FUT4: variants seen among roughly 807,000 people sequenced by gnomAD.
The protein encoded by FUT4 is alpha-(1,3)-fucosyltransferase 4.
In FUT4, 1 loss-of-function variant was observed where a neutral mutation model predicts 3.8. The ratio of observed to expected loss-of-function variants is 0.26; its 90% CI spans 0.09 to 1.25. The LOEUF is 1.25. Among genes scored for constraint, FUT4 ranks in the 50% most tolerant of loss-of-function variants. FUT4 has a pLI of 0.47. For missense variants in FUT4, 880 were observed against 768.2 expected, an observed-to-expected ratio of 1.15 and a Z score of -1.72; for synonymous variants, 417 against 355.3, an observed-to-expected ratio of 1.17 and a Z score of -1.95.
rs1231979080 is a variant in FUT4, at chr11:94,544,616, G to A, written c.483G>A (p.Leu161=). ...TCTGTGTGCTGGCGGCCGCCGGCTT[G>A]ACGTGTACGGCGCTGATCACCTACG... The part of the protein sequence containing the change: ...WTVCVLAAAG[L]TCTALITYAC... The change falls in exon 1 of 1, where the codon TTG becomes TTA. Residue 161 remains leucine (L), a synonymous_variant. Transcript: ENST00000358752. The A allele has an allele frequency of 1.4e-6, 2 of 1,479,888 alleles. No homozygotes were observed. The highest frequency in any genetic ancestry group is 2.8e-5 in the South Asian group (2 of 70,244). The allele number at this position is 1,479,888 out of a possible 1,614,324, so 91.7% of individuals were successfully genotyped here. A position where few individuals can be genotyped will look rare whatever the true frequency, so the allele number is the denominator to read the frequency against.
chr11:94,549,583 TGCAGGA>T lies in FUT4; in HGVS notation c.*3862_*3867del, dbSNP rs781766902. ...TCCTTACAGTCTGGAACTGACAATATGCAGGAGCAGTAAACTGGCAGAAAACCAGGA... is the reference window on the plus strand; with the variant it reads ...TCCTTACAGTCTGGAACTGACAATATGCAGTAAACTGGCAGAAAACCAGGA... On this transcript the variant is annotated 3_prime_UTR_variant, in exon 1 of 1. Transcript: ENST00000358752. 1.2e-5 allele frequency: 2 copies of T among 167,010 alleles called. No homozygotes were observed. Among genetic ancestry groups the T allele is most frequent in the Non-Finnish European group, 2.9e-5 (2 of 68,114 alleles). 10.3% of individuals were successfully genotyped at this position (167,010 alleles called of 1,614,324 possible). A position where few individuals can be genotyped will look rare whatever the true frequency, so the allele number is the denominator to read the frequency against.
In FUT4 at chr11:94,545,546, C is replaced by T. The variant is rs1267500773; in HGVS notation, c.1413C>T (p.Tyr471=). Residue 471 remains tyrosine (Y), a synonymous_variant, in exon 1 of 1, where the codon TAC becomes TAT. Coordinates refer to ENST00000358752, the MANE Select transcript of FUT4 (RefSeq NM_002033.4). ...DFPSASSLAS[Y]LLFLDRNPAV... ...CAAGTGCCTCCTCCCTGGCCTCGTA[C>T]CTGCTTTTCCTCGACCGCAACCCCG... 3 of 1,613,728 alleles carry T rather than the reference C, an allele frequency of 1.9e-6. No homozygotes were observed. The highest frequency in any genetic ancestry group is 2.2e-5 in the South Asian group (2 of 91,086).
chr11:94,544,112 G>C lies in FUT4; in HGVS notation c.-22G>C. ...CGCGCAGAGGGAAACCGGATCAGTTGAGAGAGAATCAAGAGTAGCGGATGA... is the reference window on the plus strand; with the variant it reads ...CGCGCAGAGGGAAACCGGATCAGTTCAGAGAGAATCAAGAGTAGCGGATGA... On this transcript the variant is annotated 5_prime_UTR_variant, in exon 1 of 1. An upstream open reading frame in the 5' UTR loses its in-frame stop. Coordinates refer to ENST00000358752, the MANE Select transcript of FUT4 (RefSeq NM_002033.4). 7.2e-7 allele frequency: 1 copy of C among 1,382,102 alleles called. No homozygotes were observed. The highest frequency in any genetic ancestry group is 3.9e-5 in the Admixed American group (1 of 25,492). 85.6% of individuals were successfully genotyped at this position (1,382,102 alleles called of 1,614,324 possible).
Position 94,544,426 on chromosome 11 carries a change from C to T in FUT4, c.293C>T (p.Pro98Leu), listed in dbSNP as rs113253321. ...GGCGAGCGGCAGCGACGGCTGGAGC[C>T]GCAGCTACAGCATGAGAGCCGGTGC... ...ASGERQRRLE[P>L]QLQHESRCRS... Residue 98 changes from proline (P) to leucine (L), a missense_variant, in exon 1 of 1, where the codon CCG becomes CTG. By Grantham distance (98) the Pro-to-Leu change is moderately conservative. This residue lies in a region of FUT4 where 447 missense variants were observed against 339.5 expected (regional missense o/e 1.32). Transcript: ENST00000358752. 6.6e-5 allele frequency: 100 copies of T among 1,524,584 alleles called. No individual in the cohort carries two copies. The African/African-American group carries it at 1.3e-3, about 20-fold the overall frequency. The allele number at this position is 1,524,584 out of a possible 1,614,324, so 94.4% of individuals were successfully genotyped here.
At position 94,545,935 on chromosome 11, in the gene FUT4, G is replaced by A. The variant is rs571702875; in HGVS notation, c.*209G>A. 3 of 723,090 alleles carry A rather than the reference G, an allele frequency of 4.1e-6. No individual in the cohort carries two copies. The highest frequency in any genetic ancestry group is 2.7e-5 in the East Asian group (1 of 36,438). The allele number at this position is 723,090 out of a possible 1,614,324, so 44.8% of individuals were successfully genotyped here. Reference sequence around the variant, plus strand: ...ATATTTTTTGCACAGCTAGCAATTGGGCTCCCTTTGCTGCTGATGGGCATC... The same window carrying A: ...ATATTTTTTGCACAGCTAGCAATTGAGCTCCCTTTGCTGCTGATGGGCATC... On this transcript the variant is annotated 3_prime_UTR_variant, in exon 1 of 1. Transcript: ENST00000358752.
chr11:94,547,011 T>A lies in FUT4; in HGVS notation c.*1285T>A, dbSNP rs116974159. 8.4e-3 allele frequency: 1,411 copies of A among 167,232 alleles called. 13 individuals are homozygous for A. The highest frequency in any genetic ancestry group is 0.014 in the South Asian group (69 of 4,828). The allele number at this position is 167,232 out of a possible 1,614,324, so 10.4% of individuals were successfully genotyped here. ...ACAGTCAATGCAGTGGTATAGCATA[T>A]CCTCACATTTCTAGTGCCCTTGAGA... On this transcript the variant is annotated 3_prime_UTR_variant, in exon 1 of 1. Coordinates refer to ENST00000358752, the MANE Select transcript of FUT4 (RefSeq NM_002033.4).
Position 94,545,983 on chromosome 11 carries a change from G to C in FUT4, c.*257G>C. 1 of 641,244 alleles carries C rather than the reference G, an allele frequency of 1.6e-6. No homozygotes were observed. Among genetic ancestry groups the C allele is most frequent in the South Asian group, 1.6e-5 (1 of 62,712 alleles). The allele number at this position is 641,244 out of a possible 1,614,324, so 39.7% of individuals were successfully genotyped here. On this transcript the variant is annotated 3_prime_UTR_variant, in exon 1 of 1. Transcript: ENST00000358752. ...ATCATTGTTTAGGGGTGAAGGAGGG[G>C]GTTCTTCCTCACCTTGTAACCAGTG...
At position 94,544,577 on chromosome 11, in the gene FUT4, G is replaced by A. The variant is rs780415173; in HGVS notation, c.444G>A (p.Gly148=). The change falls in exon 1 of 1, where the codon GGG becomes GGA. Residue 148 remains glycine, a synonymous_variant. Transcript: ENST00000358752. Reference sequence around the variant, plus strand: ...GGCGCGGGTGGCGCCGAGGCCGGGGGCTGCCATGGACCGTCTGTGTGCTGG... The same window carrying A: ...GGCGCGGGTGGCGCCGAGGCCGGGGACTGCCATGGACCGTCTGTGTGCTGG... ...GGRRGWRRGR[G]LPWTVCVLAA... is the part of the protein sequence containing the mutation. 15 of 1,312,312 alleles carry A rather than the reference G, an allele frequency of 1.1e-5. No individual in the cohort carries two copies. Among genetic ancestry groups the A allele is most frequent in the African/African-American group, 4.6e-5 (3 of 65,128 alleles). The allele number at this position is 1,312,312 out of a possible 1,614,324, so 81.3% of individuals were successfully genotyped here.
chr11:94,544,596 G>A lies in FUT4; in HGVS notation c.463G>A (p.Val155Met). 1 of 1,455,410 alleles carries A rather than the reference G, an allele frequency of 6.9e-7. No homozygotes were observed. Among genetic ancestry groups the A allele is most frequent in the Admixed American group, 2.6e-5 (1 of 37,830 alleles). 90.2% of individuals were successfully genotyped at this position (1,455,410 alleles called of 1,614,324 possible). A position where few individuals can be genotyped will look rare whatever the true frequency, so the allele number is the denominator to read the frequency against. ...CCGGGGGCTGCCATGGACCGTCTGT[G>A]TGCTGGCGGCCGCCGGCTTGACGTG... ...RGRGLPWTVC[V>M]LAAAGLTCTA... is the part of the protein sequence containing the mutation. Residue 155 changes from valine (V) to methionine (M), a missense_variant, in exon 1 of 1, where the codon GTG (valine) becomes ATG (methionine). Transcript: ENST00000358752.
rs752319032 is a variant in FUT4 at position 94,544,681 on chromosome 11, C to T, written c.548C>T (p.Pro183Leu). The T allele has an allele frequency of 5.8e-6, 9 of 1,541,688 alleles. No individual in the cohort carries two copies. The highest frequency in any genetic ancestry group is 7.8e-6 in the Non-Finnish European group (9 of 1,158,320). The stretch of plus-strand genomic sequence containing the variant: ...CTGCCGCCGCTGCCCTGGGCGTCGC[C>T]AACCCCGTCGCGACCGGTGGGCGTG... ...GQLPPLPWAS[P>L]TPSRPVGVLL... Residue 183 changes from proline (P) to leucine (L), a missense_variant, in exon 1 of 1, where the codon CCA becomes CTA. Transcript: ENST00000358752.
In FUT4 at chr11:94,546,106, A is replaced by AT; in HGVS notation, c.*381dup. 8.0e-6 allele frequency: 3 copies of AT among 373,072 alleles called. No homozygotes were observed. The highest frequency in any genetic ancestry group is 6.6e-5 in the South Asian group (3 of 45,330). 23.1% of individuals were successfully genotyped at this position (373,072 alleles called of 1,614,324 possible). On this transcript the variant is annotated 3_prime_UTR_variant, in exon 1 of 1. Transcript: ENST00000358752. ...TATTTGTGGCCCGTGCAGCTTCCAA[A>AT]TCTCATACACAACTGTTCCCGATTC...
Position 94,545,538 on chromosome 11 carries a change from G to T in FUT4, c.1405G>T (p.Ala469Ser). 6.2e-7 allele frequency: 1 copy of T among 1,613,736 alleles called. No individual in the cohort carries two copies. The highest frequency in any genetic ancestry group is 1.6e-4 in the Middle Eastern group (1 of 6,062). The stretch of plus-strand genomic sequence containing the variant: ...CGACTTCCCAAGTGCCTCCTCCCTG[G>T]CCTCGTACCTGCTTTTCCTCGACCG... ...VDDFPSASSL[A>S]SYLLFLDRNP... The change falls in exon 1 of 1, where the codon GCC becomes TCC. Residue 469 changes from alanine (A) to serine (S), a missense_variant. By Grantham distance (99) the Ala-to-Ser change is moderately conservative. Transcript: ENST00000358752.
rs532915818 is a variant in FUT4 at position 94,544,421 on chromosome 11, G to A, written c.288G>A (p.Leu96=). Residue 96 remains leucine, a synonymous_variant, in exon 1 of 1, where the codon CTG becomes CTA. Coordinates refer to ENST00000358752, the MANE Select transcript of FUT4 (RefSeq NM_002033.4). ...SRASGERQRR[L]EPQLQHESRC... is the part of the protein sequence containing the mutation. ...CCAGCGGCGAGCGGCAGCGACGGCT[G>A]GAGCCGCAGCTACAGCATGAGAGCC... 1.3e-6 allele frequency: 2 copies of A among 1,525,918 alleles called. No individual in the cohort carries two copies. The highest frequency in any genetic ancestry group is 1.4e-5 in the African/African-American group (1 of 70,384). The allele number at this position is 1,525,918 out of a possible 1,614,324, so 94.5% of individuals were successfully genotyped here.
In FUT4 at chr11:94,545,968, A is replaced by C; in HGVS notation, c.*242A>C. 2 of 668,930 alleles carry C rather than the reference A, an allele frequency of 3.0e-6. No individual in the cohort carries two copies. The highest frequency in any genetic ancestry group is 3.1e-5 in the South Asian group (2 of 64,934). The allele number at this position is 668,930 out of a possible 1,614,324, so 41.4% of individuals were successfully genotyped here. On this transcript the variant is annotated 3_prime_UTR_variant, in exon 1 of 1. Coordinates refer to ENST00000358752, the MANE Select transcript of FUT4 (RefSeq NM_002033.4). ...TTGCTGCTGATGGGCATCATTGTTTAGGGGTGAAGGAGGGGGTTCTTCCTC... is the reference window on the plus strand; with the variant it reads ...TTGCTGCTGATGGGCATCATTGTTTCGGGGTGAAGGAGGGGGTTCTTCCTC...
rs150833829 is a variant in FUT4 at position 94,543,960 on chromosome 11, C to T, written c.-174C>T. 663 of 888,150 alleles carry T rather than the reference C, an allele frequency of 7.5e-4. 8 individuals are homozygous for T. The East Asian group carries it at 0.021, about 28-fold the overall frequency. 55.0% of individuals were successfully genotyped at this position (888,150 alleles called of 1,614,324 possible). ...GGTCCGCCTTCCGTCTGTTCTAGGG[C>T]CTGCTCCTGCGCGGCAGCTGCTTTA... On this transcript the variant is annotated 5_prime_UTR_variant, in exon 1 of 1. Transcript: ENST00000358752.
In FUT4 at chr11:94,545,083, C is replaced by G. The variant is rs1947845106; in HGVS notation, c.950C>G (p.Thr317Arg). Residue 317 changes from threonine (T) to arginine (R), a missense_variant, in exon 1 of 1, where the codon ACG (threonine) becomes AGG (arginine). Physicochemically the swap from Thr to Arg is moderately conservative, Grantham distance 71. This residue lies in a region of FUT4 where 424 missense variants were observed against 400.4 expected (regional missense o/e 1.06). Coordinates refer to ENST00000358752, the MANE Select transcript of FUT4 (RefSeq NM_002033.4). ...CTGGCAAGTAACCTCTTCAACTGGA[C>G]GCTCTCCTACCGGGCGGACTCGGAC... The part of the protein sequence containing the change: ...RSLASNLFNW[T>R]LSYRADSDVF... 6.2e-7 allele frequency: 1 copy of G among 1,612,510 alleles called. No individual in the cohort carries two copies. Among genetic ancestry groups the G allele is most frequent in the African/African-American group, 1.3e-5 (1 of 74,924 alleles).
chr11:94,545,087 C>T lies in FUT4; in HGVS notation c.954C>T (p.Leu318=), dbSNP rs374614016. ...CAAGTAACCTCTTCAACTGGACGCT[C>T]TCCTACCGGGCGGACTCGGACGTCT... ...SLASNLFNWT[L]SYRADSDVFV... is the part of the protein sequence containing the mutation. Residue 318 remains leucine (L), a synonymous_variant, in exon 1 of 1, where the codon CTC becomes CTT. Transcript: ENST00000358752. The T allele has an allele frequency of 8.1e-5, 131 of 1,612,598 alleles. No homozygotes were observed. Among genetic ancestry groups the T allele is most frequent in the South Asian group, 2.3e-4 (21 of 91,054 alleles).
Position 94,544,325 on chromosome 11 carries a change from C to T in FUT4, c.192C>T (p.Ala64=). The T allele has an allele frequency of 6.4e-7, 1 of 1,553,894 alleles. No homozygotes were observed. ...ACCTTGCCCTGGCGGCTCGCCCCGC[C>T]CGGCACTTGGGAGGAGCAGGGCAGG... ...PAHLALAARP[A]RHLGGAGQGP... is the part of the protein sequence containing the mutation. Residue 64 remains alanine (A), a synonymous_variant, in exon 1 of 1, where the codon GCC becomes GCT. Coordinates refer to ENST00000358752, the MANE Select transcript of FUT4 (RefSeq NM_002033.4).
rs150077630 is a variant in FUT4, at chr11:94,548,359, C to T, written c.*2633C>T. ...CCAGGTTCAAGCGATTCTCCTGCCTCAGCCTCCCGAGCAGCTGAGACTACA... is the reference window on the plus strand; with the variant it reads ...CCAGGTTCAAGCGATTCTCCTGCCTTAGCCTCCCGAGCAGCTGAGACTACA... On this transcript the variant is annotated 3_prime_UTR_variant, in exon 1 of 1. Transcript: ENST00000358752. The T allele has an allele frequency of 0.022, 3,437 of 153,094 alleles. 42 individuals carry two copies. Among genetic ancestry groups the T allele is most frequent in the African/African-American group, 0.037 (1,523 of 41,378 alleles). 9.5% of individuals were successfully genotyped at this position (153,094 alleles called of 1,614,324 possible).
Sources: gnomAD v4.1 joint callset for allele counts on GRCh38, gnomAD v4.1.1 for gene constraint, gnomAD v4.1.1 regional missense constraint, MANE v1.5 for transcripts, NCBI Gene and HGNC (gene_info 2026-07-23, HGNC 2026-07-21) for gene names.